Variants in ATE1 observed in about 807,000 individuals in gnomAD.
The protein encoded by ATE1 is arginyltransferase 1.
Under a neutral mutation model 70.5 loss-of-function variants are expected in ATE1, and 36 were observed. The observed-to-expected ratio is 0.51, with a 90% confidence interval of 0.39 to 0.67. ATE1 has a LOEUF of 0.67. ATE1 is among the 30% of genes least tolerant of loss of function. The pLI is 0.00. For synonymous variants in ATE1, 232 were observed against 219.3 expected (o/e 1.06, Z -0.51); for missense variants, 593 against 629.5 (o/e 0.94, Z 0.62).
At chr10:121,862,193 A>G (rs1320969956) in intron 8 of ATE1, among the ~76,000 whole-genome samples, 1 of 152,102 alleles carries the variant, frequency 6.6e-6, no homozygotes, top group Non-Finnish European at 1.5e-5. Context: ...TCCCTTCCTC[A>G]GCTTAACGAC....
intron 8 of ATE1, among the ~76,000 whole-genome samples, chr10:121,850,919 G>A (rs933660111): frequency 2.0e-5 from 3 of 151,574 alleles, no homozygotes; most frequent in African/African-American, 4.8e-5. Context: ...GTGAAACCCC[G>A]TTTCTACTAA....
At chr10:121,870,781 T>C (rs142022823) in intron 7 of ATE1, among the ~76,000 whole-genome samples, 66 of 152,322 alleles carry the variant, frequency 4.3e-4, no homozygotes, top group African/African-American at 1.6e-3. Context: ...AAGCAAATTG[T>C]AGTATACCTC....
rs373911304 is a variant in ATE1, at chr10:121,760,077, T to C, written c.1379-16219A>G. Among the ~76,000 whole-genome samples, 5 of 152,228 alleles carry C rather than the reference T, an allele frequency of 3.3e-5. No individual in the cohort carries two copies. In the East Asian group the frequency reaches 9.6e-4, roughly 29 times the overall value. On this transcript the variant is annotated intron_variant, in intron 11 of 11. Coordinates refer to ENST00000224652, the MANE Select transcript of ATE1 (RefSeq NM_001001976.3). Reference sequence around the variant, plus strand: ...ATTTTACTGAATATTTTAAGCCCACTGTTGAGACCTACTGCTCAGTTTTTC... The same window carrying C: ...ATTTTACTGAATATTTTAAGCCCACCGTTGAGACCTACTGCTCAGTTTTTC...
intron 11 of ATE1, among the ~76,000 whole-genome samples, chr10:121,755,297 C>G (rs1186998794): frequency 6.6e-6 from 1 of 152,116 alleles, no homozygotes; most frequent in Non-Finnish European, 1.5e-5. Context: ...AAAAAGTGTC[C>G]TTGTTTTCAG....
At chr10:121,913,242 CAT>C (rs1951516516) in intron 4 of ATE1, among the ~76,000 whole-genome samples, 1 of 152,176 alleles carries the variant, frequency 6.6e-6, no homozygotes, top group Non-Finnish European at 1.5e-5. Flanking sequence ...AAAAGCAAAT[CAT>C]GTGTAACTAA....
At chr10:121,767,286 T>C (rs1265431496) in intron 11 of ATE1, among the ~76,000 whole-genome samples, 1 of 152,196 alleles carries the variant, frequency 6.6e-6, no homozygotes. Context: ...CTATAGCTAA[T>C]ATCTTAAAGG....
In ATE1 at chr10:121,820,203, A is replaced by G. The variant is rs569839198; in HGVS notation, c.1257+16515T>C. 2.2e-3 allele frequency among the ~76,000 whole-genome samples: 336 copies of G among 152,282 alleles called. 1 individual carries two copies. Among genetic ancestry groups the G allele is most frequent in the African/African-American group, 7.8e-3 (326 of 41,546 alleles). ...CACCACACACAATTCACAAGGGGAA[A>G]AAAACTGCAACAGCATATTATGTCA... is the stretch of plus-strand genomic sequence containing the variant. On this transcript the variant is annotated intron_variant, in intron 10 of 11. Transcript: ENST00000224652.
intron 11 of ATE1, among the ~76,000 whole-genome samples, chr10:121,753,498 C>T (rs1944670565): frequency 6.6e-6 from 1 of 152,084 alleles, no homozygotes; most frequent in Non-Finnish European, 1.5e-5. Flanking sequence ...ATATTATGGT[C>T]ATTTGGTATC....
At chr10:121,789,139 T>C (rs116300124) in intron 11 of ATE1, among the ~76,000 whole-genome samples, 1 of 152,174 alleles carries the variant, frequency 6.6e-6, no homozygotes, top group Admixed American at 6.5e-5. Flanking sequence ...TATCTCATTT[T>C]AATCCTCATT....
At chr10:121,861,443 G>A (rs563719306) in intron 8 of ATE1, among the ~76,000 whole-genome samples, 1 of 151,626 alleles carries the variant, frequency 6.6e-6, no homozygotes, top group East Asian at 1.9e-4. Context: ...TCCTTTGTAG[G>A]GACATGGATG....
intron 11 of ATE1, among the ~76,000 whole-genome samples, chr10:121,748,718 A>G (rs906832578): frequency 2.6e-5 from 4 of 152,098 alleles, no homozygotes; most frequent in African/African-American, 9.7e-5. Flanking sequence ...TGTCAAATCC[A>G]TAATAAAGTA....
At chr10:121,906,627 C>A (rs1951205096) in intron 5 of ATE1, among the ~76,000 whole-genome samples, 1 of 151,950 alleles carries the variant, frequency 6.6e-6, no homozygotes, top group Non-Finnish European at 1.5e-5. Context: ...GAGATGGAGC[C>A]TCACTCTGTC....
chr10:121,921,436 T>C (rs939369388), intron 3 of ATE1, among the ~76,000 whole-genome samples: 10 of 150,978 alleles, frequency 6.6e-5, no homozygotes, highest in African/African-American at 2.4e-4. Flanking sequence ...CTTGATAATA[T>C]TATCTAGTGT....
intron 3 of ATE1, among the ~76,000 whole-genome samples, chr10:121,918,176 T>C (rs951555735): frequency 6.6e-6 from 1 of 151,946 alleles, no homozygotes; most frequent in African/African-American, 2.4e-5. Flanking sequence ...CTACTAAAAA[T>C]ACAAAAATTA....
At chr10:121,923,171 TG>T (rs1951948798) in intron 2 of ATE1, among the ~76,000 whole-genome samples, 1 of 152,256 alleles carries the variant, frequency 6.6e-6, no homozygotes, top group African/African-American at 2.4e-5. Context: ...CTTCCATGAC[TG>T]CCTTCTAAAA....
intron 7 of ATE1, among the ~76,000 whole-genome samples, chr10:121,885,260 CAAAAAAAAA>C (rs1212899309): frequency 9.0e-5 from 3 of 33,374 alleles, no homozygotes; most frequent in South Asian, 2.0e-3. Context: ...GACTCCGTCT[CAAAAAAAAA>C]AAAAAAAAAA....
chr10:121,804,479 G>A (rs1331731928), intron 10 of ATE1, among the ~76,000 whole-genome samples: 1 of 152,144 alleles, frequency 6.6e-6, no homozygotes, highest in African/African-American at 2.4e-5. Context: ...TAAAATTGAA[G>A]CTGAAATCTA....
At chr10:121,872,481 TTC>T (rs1173864236) in intron 7 of ATE1, among the ~76,000 whole-genome samples, 2 of 152,222 alleles carry the variant, frequency 1.3e-5, no homozygotes, top group African/African-American at 2.4e-5. Flanking sequence ...AAAAAATGCC[TTC>T]TCTCTTTTAG....
intron 7 of ATE1, among the ~76,000 whole-genome samples, chr10:121,876,162 A>G (rs1950042345): frequency 6.6e-6 from 1 of 152,188 alleles, no homozygotes; most frequent in Non-Finnish European, 1.5e-5. Flanking sequence ...GTTATGGGCA[A>G]ATGCTCAAAG....
Sources: gnomAD v4.1 joint callset for allele counts (sites outside exome capture counted in the v4.1 genomes callset) on GRCh38, gnomAD v4.1.1 for gene constraint, MANE v1.5 for transcripts, NCBI Gene and HGNC (gene_info 2026-07-23, HGNC 2026-07-21) for gene names.